Variants in MAP3K4 observed in about 807,000 individuals in gnomAD.
MAP3K4 encodes the protein MAP three kinase 1.
A neutral mutation model predicts 185.6 loss-of-function variants in MAP3K4; 67 were observed. The observed-to-expected ratio is 0.36, with a 90% confidence interval of 0.30 to 0.44. The LOEUF is 0.44. MAP3K4 is among the 20% of genes least tolerant of loss of function. The pLI is 1.00. For synonymous variants in MAP3K4, 702 were observed against 710.4 expected (o/e 0.99, Z 0.19); for missense variants, 1,551 against 1,995.1 (o/e 0.78, Z 4.24).
rs1780716381 is a variant in MAP3K4 at position 160,991,939 on chromosome 6, A to G, written c.8A>G (p.Glu3Gly). MREAAAALVPPPA... is the reference protein window; with the variant it reads MRGAAAALVPPPA... ...GCGGGGCTCCGTGCACGGATGAGAG[A>G]AGCCGCTGCCGCGCTGGTCCCTCCT... Residue 3 changes from glutamate (E) to glycine (G), a missense_variant, in exon 1 of 27, where the codon GAA (glutamate) becomes GGA (glycine). Glu to Gly is a moderately conservative substitution (Grantham distance 98, BLOSUM62 -2). Transcript: ENST00000392142. This position sits in a 1 kb window ranked among gnomAD's most constrained non-coding sequence, Gnocchi z 5.7. 25 of 1,538,790 alleles carry G rather than the reference A, an allele frequency of 1.6e-5. No individual in the cohort carries two copies. Among genetic ancestry groups the G allele is most frequent in the Non-Finnish European group, 2.2e-5 (25 of 1,150,950 alleles).
chr6:161,048,220 G>T lies in MAP3K4; in HGVS notation c.344-396G>T, dbSNP rs1037896307. On this transcript the variant is annotated intron_variant, in intron 2 of 26. Transcript: ENST00000392142. The surrounding 1 kb of genome is among the most constrained non-coding windows in gnomAD (Gnocchi z 4.7). Reference sequence around the variant, plus strand: ...ACACATTTAGCTAATGACAAATGCAGGAATTAAATATATTTTCTCATCCAG... The same window carrying T: ...ACACATTTAGCTAATGACAAATGCATGAATTAAATATATTTTCTCATCCAG... 1 of 532,050 alleles carries T rather than the reference G, an allele frequency of 1.9e-6. No individual in the cohort carries two copies. Among genetic ancestry groups the T allele is most frequent in the African/African-American group, 1.9e-5 (1 of 51,878 alleles). The allele number at this position is 532,050 out of a possible 1,614,324, so 33.0% of individuals were successfully genotyped here. A position where few individuals can be genotyped will look rare whatever the true frequency, so the allele number is the denominator to read the frequency against.
In MAP3K4 at chr6:161,106,303, A is replaced by G. The variant is rs1156560524; in HGVS notation, c.3857-211A>G. Among the ~76,000 whole-genome samples the G allele has an allele frequency of 6.6e-6, 1 of 152,202 alleles. No individual in the cohort carries two copies. The highest frequency in any genetic ancestry group is 1.5e-5 in the Non-Finnish European group (1 of 68,034). On this transcript the variant is annotated intron_variant, in intron 19 of 26. Transcript: ENST00000392142. The surrounding 1 kb of genome is among the most constrained non-coding windows in gnomAD (Gnocchi z 4.9). ...GAAATCATTTTTGTGTGACTAGCTT[A>G]TATTTTATGTGTGTACTGTATAAGG...
intron 25 of MAP3K4, among the ~76,000 whole-genome samples, chr6:161,113,341 AGAAAGAT>A (rs1205955073): frequency 6.6e-6 from 1 of 152,208 alleles, no homozygotes; most frequent in African/African-American, 2.4e-5. Flanking sequence ...CAGGGACAGT[AGAAAGAT>A]GAGTGGTTGC....
chr6:161,090,902 ACTT>A (rs549082830), intron 11 of MAP3K4, among the ~76,000 whole-genome samples: 1 of 152,260 alleles, frequency 6.6e-6, no homozygotes, highest in South Asian at 2.1e-4. Context: ...ACCATCAAAA[ACTT>A]CTCTGGACAA....
chr6:161,029,810 CT>C (rs34175194), intron 1 of MAP3K4, among the ~76,000 whole-genome samples: 9,429 of 152,166 alleles, frequency 0.062, 562 homozygotes, highest in East Asian at 0.34. Flanking sequence ...GAACTTACCA[CT>C]AGTATTTTTC....
chr6:161,029,792 G>A (rs1239104030), intron 1 of MAP3K4, among the ~76,000 whole-genome samples: 4 of 151,464 alleles, frequency 2.6e-5, no homozygotes, highest in African/African-American at 9.7e-5. Context: ...AATGATGCAA[G>A]TTCTTTTGAA....
At chr6:161,069,214 C>G (rs911657011) in intron 3 of MAP3K4, among the ~76,000 whole-genome samples, 3 of 152,132 alleles carry the variant, frequency 2.0e-5, no homozygotes, top group Admixed American at 6.5e-5. Flanking sequence ...ACCAGCTTTT[C>G]TGATTTTTGG....
rs990831761 is a variant in MAP3K4 at position 160,991,840 on chromosome 6, G to T, written c.-92G>T. The T allele has an allele frequency of 3.0e-6, 4 of 1,352,858 alleles. No homozygotes were observed. The South Asian group carries it at 6.7e-5, about 23-fold the overall frequency. 83.8% of individuals were successfully genotyped at this position (1,352,858 alleles called of 1,614,324 possible). A position where few individuals can be genotyped will look rare whatever the true frequency, so the allele number is the denominator to read the frequency against. ...CTGCGGCGGGGTAGAGGCGGAGGCG[G>T]AGTCGAGTCACTCCCGCACTTCGGG... On this transcript the variant is annotated 5_prime_UTR_variant, in exon 1 of 27. Transcript: ENST00000392142. The surrounding 1 kb of genome is among the most constrained non-coding windows in gnomAD (Gnocchi z 5.7).
Position 161,080,096 on chromosome 6 carries a change from G to T in MAP3K4, c.2098-785G>T, listed in dbSNP as rs1042465245. On this transcript the variant is annotated intron_variant, in intron 5 of 26. Coordinates refer to ENST00000392142, the MANE Select transcript of MAP3K4 (RefSeq NM_005922.4). This position sits in a 1 kb window ranked among gnomAD's most constrained non-coding sequence, Gnocchi z 4.8. ...ACTGCTTCACGCTGAGTCACACTCGGGGTTGGAAGGGAGTGGAGTGATGTC... is the reference window on the plus strand; with the variant it reads ...ACTGCTTCACGCTGAGTCACACTCGTGGTTGGAAGGGAGTGGAGTGATGTC... 1.3e-5 allele frequency among the ~76,000 whole-genome samples: 2 copies of T among 152,166 alleles called. No individual in the cohort carries two copies. The highest frequency in any genetic ancestry group is 4.8e-5 in the African/African-American group (2 of 41,446).
Position 161,061,937 on chromosome 6 carries a change from A to G in MAP3K4, c.1708-8671A>G, listed in dbSNP as rs565735675. 1.3e-5 allele frequency among the ~76,000 whole-genome samples: 2 copies of G among 152,238 alleles called. No individual in the cohort carries two copies. The highest frequency in any genetic ancestry group is 2.9e-5 in the Non-Finnish European group (2 of 68,046). ...ATTATGTGAAGTACTTGGTTTTACA[A>G]GAAAATCTAAATGTATTCTCAAAGA... On this transcript the variant is annotated intron_variant, in intron 3 of 26. Transcript: ENST00000392142. The surrounding 1 kb of genome is among the most constrained non-coding windows in gnomAD (Gnocchi z 4.2).
rs1296083570 is a variant in MAP3K4 at position 161,064,394 on chromosome 6, GTTAA to G, written c.1708-6211_1708-6208del. On this transcript the variant is annotated intron_variant, in intron 3 of 26. Transcript: ENST00000392142. The surrounding 1 kb of genome is among the most constrained non-coding windows in gnomAD (Gnocchi z 4.3). ...GAGGTAAGCATGTCATTATTTTTCT[GTTAA>G]TTGCTTATAACATACATTAGATAAC... Among the ~76,000 whole-genome samples, 1 of 151,460 alleles carries G rather than the reference GTTAA, an allele frequency of 6.6e-6. No homozygotes were observed. Among genetic ancestry groups the G allele is most frequent in the Admixed American group, 6.6e-5 (1 of 15,238 alleles).
intron 3 of MAP3K4, among the ~76,000 whole-genome samples, chr6:161,062,396 T>C (rs994266661): frequency 6.6e-6 from 1 of 152,154 alleles, no homozygotes; most frequent in Non-Finnish European, 1.5e-5. Flanking sequence ...CAGGGTTGTG[T>C]GTGTGTAGAT....
At chr6:161,060,637 T>TTTTTTTTG (rs1491475882) in intron 3 of MAP3K4, among the ~76,000 whole-genome samples, 1 of 135,720 alleles carries the variant, frequency 7.4e-6, no homozygotes, top group African/African-American at 3.0e-5. Flanking sequence ...TTTTTTTTTT[T>TTTTTTTTG]GAGAAGGAGT....
rs1160901243 is a variant in MAP3K4, at chr6:161,034,369, C to G, written c.263C>G (p.Thr88Arg). The G allele has an allele frequency of 1.9e-6, 3 of 1,613,912 alleles. 1 individual carries two copies. In the South Asian group the frequency reaches 3.3e-5, roughly 18 times the overall value. Residue 88 changes from threonine to arginine, a missense_variant, in exon 2 of 27, where the codon ACA becomes AGA. Coordinates refer to ENST00000392142, the MANE Select transcript of MAP3K4 (RefSeq NM_005922.4). The surrounding 1 kb of genome is among the most constrained non-coding windows in gnomAD (Gnocchi z 4.4). ...CTTTATGGTACCTCTCCCCCCAGCA[C>G]ACCTCGACAGATGAAACGCATGTCA... ...ENLYGTSPPSTPRQMKRMSTK... is the reference protein window; with the variant it reads ...ENLYGTSPPSRPRQMKRMSTK...
At chr6:161,005,241 T>G (rs2115059479) in intron 1 of MAP3K4, among the ~76,000 whole-genome samples, 1 of 151,380 alleles carries the variant, frequency 6.6e-6, no homozygotes, top group South Asian at 2.1e-4. Flanking sequence ...TGGGCTCAAG[T>G]GATCCTCCCA....
At chr6:160,994,941 C>T (rs1054486884) in intron 1 of MAP3K4, among the ~76,000 whole-genome samples, 2 of 152,084 alleles carry the variant, frequency 1.3e-5, no homozygotes, top group Admixed American at 1.3e-4. Context: ...CCTCGTGATC[C>T]GCCCATCTTG....
intron 3 of MAP3K4, among the ~76,000 whole-genome samples, chr6:161,057,458 A>C (rs1784293379): frequency 6.6e-6 from 1 of 152,214 alleles, no homozygotes. Flanking sequence ...GGGATACCAG[A>C]CTTTATCCTA....
chr6:161,040,891 T>G (rs1156914632), intron 2 of MAP3K4, among the ~76,000 whole-genome samples: 1 of 152,246 alleles, frequency 6.6e-6, no homozygotes, highest in Non-Finnish European at 1.5e-5. Context: ...TTCTCCCCAT[T>G]GATCAAACAC....
At chr6:161,081,143 A>G (rs1785435090) in intron 6 of MAP3K4, 105 bp downstream of exon 6, 1 of 1,274,580 alleles carries the variant, frequency 7.8e-7, no homozygotes, top group African/African-American at 1.5e-5. Context: ...TTACATGAAA[A>G]TTGCAGTTAT....
Sources: gnomAD v4.1 joint callset for allele counts (sites outside exome capture counted in the v4.1 genomes callset) on GRCh38, gnomAD v4.1.1 for gene constraint, Gnocchi (gnomAD v3.1) non-coding constraint, MANE v1.5 for transcripts, NCBI Gene and HGNC (gene_info 2026-07-23, HGNC 2026-07-21) for gene names.